Variants in DDX31 observed in about 807,000 individuals in gnomAD.
The protein encoded by DDX31 is DEAD-box helicase 31.
In DDX31, 70 loss-of-function variants were observed where a neutral mutation model predicts 91.3. The ratio of observed to expected loss-of-function variants is 0.77; its 90% CI spans 0.63 to 0.94. The LOEUF (loss-of-function observed/expected upper bound fraction) is 0.94, where lower values mean the gene tolerates loss of function less well. Among genes scored for constraint, DDX31 ranks in the 40% least tolerant of loss-of-function variants. The pLI is 0.00. For synonymous variants in DDX31, 362 were observed against 350.6 expected, an observed-to-expected ratio of 1.03 and a Z score of -0.36; for missense variants, 902 against 925.0, an observed-to-expected ratio of 0.98 and a Z score of 0.32.
intron 6 of DDX31, 24 bp downstream of exon 6, chr9:132,658,647 C>G: frequency 6.2e-7 from 1 of 1,609,056 alleles, no homozygotes; most frequent in Non-Finnish European, 8.5e-7. Context: ...TGAGCAATGA[C>G]AGAAAAACAC....
chr9:132,653,494 C>CAAAAAAA (rs71376648), intron 6 of DDX31, among the ~76,000 whole-genome samples: 11 of 20,636 alleles, frequency 5.3e-4, no homozygotes, highest in African/African-American at 9.8e-4. Context: ...AACTCAGTCT[C>CAAAAAAA]AAAAAAAAAA....
At chr9:132,620,091 A>C (rs1475723659) in intron 17 of DDX31, among the ~76,000 whole-genome samples, 2 of 152,136 alleles carry the variant, frequency 1.3e-5, no homozygotes, top group Non-Finnish European at 2.9e-5. Flanking sequence ...AATAAGCACA[A>C]AAATCCCTCT....
intron 9 of DDX31, 147 bp downstream of exon 9, chr9:132,650,087 C>T (rs1834087122): frequency 2.7e-6 from 2 of 754,550 alleles, no homozygotes; most frequent in South Asian, 1.6e-5. Context: ...GACCGCTCCC[C>T]ACTGACTCAA....
At chr9:132,627,328 C>T (rs901005552) in intron 16 of DDX31, among the ~76,000 whole-genome samples, 3 of 152,068 alleles carry the variant, frequency 2.0e-5, no homozygotes, top group Non-Finnish European at 4.4e-5. Flanking sequence ...AACCACACAC[C>T]CTAAGCAAAC....
At chr9:132,651,236 A>G in intron 7 of DDX31, 120 bp from the exon 8 acceptor site, 1 of 820,276 alleles carries the variant, frequency 1.2e-6, no homozygotes, top group Non-Finnish European at 1.9e-6. Flanking sequence ...AGAAGAAAAA[A>G]AATCCTATAC....
chr9:132,661,469 A>T (rs1224344413), intron 3 of DDX31, among the ~76,000 whole-genome samples: 4 of 152,044 alleles, frequency 2.6e-5, no homozygotes, highest in Non-Finnish European at 5.9e-5. Context: ...GCTTGTTATA[A>T]CCAGGGGAGG....
At chr9:132,621,379 G>T (rs1340773195) in intron 17 of DDX31, among the ~76,000 whole-genome samples, 1 of 152,140 alleles carries the variant, frequency 6.6e-6, no homozygotes, top group Non-Finnish European at 1.5e-5. Context: ...CAGTAAAGTT[G>T]AAAGATCAAA....
At chr9:132,658,479 G>T (rs1381308895) in intron 6 of DDX31, 192 bp downstream of exon 6, 2 of 673,350 alleles carry the variant, frequency 3.0e-6, no homozygotes, top group African/African-American at 1.8e-5. Context: ...TATGACAATT[G>T]TGAAGTGTAT....
intron 5 of DDX31, among the ~76,000 whole-genome samples, chr9:132,659,501 T>G (rs183023537): frequency 1.3e-5 from 2 of 152,262 alleles, no homozygotes; most frequent in East Asian, 3.9e-4. Flanking sequence ...ACCTGACTAC[T>G]TCCTAATCAT....
chr9:132,663,154 C>A, intron 1 of DDX31: 1 of 1,287,202 alleles, frequency 7.8e-7, no homozygotes, highest in East Asian at 5.5e-5. Flanking sequence ...CTGGAGACCG[C>A]ACAGGAGAGA....
intron 1 of DDX31, among the ~76,000 whole-genome samples, chr9:132,665,671 T>C (rs771068634): frequency 2.0e-5 from 3 of 152,148 alleles, no homozygotes; most frequent in Non-Finnish European, 4.4e-5. Context: ...ACCTGTAAAA[T>C]GAGGGGATTT....
In DDX31 at chr9:132,630,382, C is replaced by T. The variant is rs1832649306; in HGVS notation, c.1513G>A (p.Ala505Thr). 1.2e-6 allele frequency: 2 copies of T among 1,600,678 alleles called. No individual in the cohort carries two copies. Among genetic ancestry groups the T allele is most frequent in the South Asian group, 1.1e-5 (1 of 90,188 alleles). ...IVQYNAPSSP[A>T]EYIHRIGRTA... ...CTTCCAATCCGGTGGATGTATTCTG[C>T]AGGTGAAGATGGAGCGTTGTACTAA... The change falls in exon 16 of 20, where the codon GCA (alanine) becomes ACA (threonine). Residue 505 changes from alanine (A) to threonine (T), a missense_variant. Coordinates refer to ENST00000372159, the MANE Select transcript of DDX31 (RefSeq NM_022779.9).
intron 4 of DDX31, among the ~76,000 whole-genome samples, chr9:132,660,374 A>G (rs1834860005): frequency 1.3e-5 from 2 of 152,014 alleles, no homozygotes; most frequent in Admixed American, 1.3e-4. Flanking sequence ...AGGCATGACA[A>G]CAAATCAGAG....
chr9:132,669,817 G>A (rs1415533256), intron 1 of DDX31, 43 bp downstream of exon 1: 2 of 1,533,966 alleles, frequency 1.3e-6, no homozygotes, highest in East Asian at 2.4e-5. Flanking sequence ...GCCCACAGCC[G>A]GGCCGCGGGT....
intron 6 of DDX31, among the ~76,000 whole-genome samples, chr9:132,654,520 G>A (rs1023249471): frequency 6.6e-6 from 1 of 152,210 alleles, no homozygotes; most frequent in Admixed American, 6.5e-5. Flanking sequence ...GGCTGAGACA[G>A]GAGAATCTCT....
chr9:132,637,734 G>A (rs1030659887), intron 14 of DDX31: 30 of 823,546 alleles, frequency 3.6e-5, no homozygotes, highest in African/African-American at 1.1e-4. Context: ...GGCTGGAGCC[G>A]CCAAAAAACT....
chr9:132,651,008 T>G (rs1834148727), intron 8 of DDX31, 67 bp downstream of exon 8: 2 of 1,339,732 alleles, frequency 1.5e-6, no homozygotes, highest in African/African-American at 2.9e-5. Context: ...AAGAATAGAC[T>G]GTAGTATATT....
Position 132,662,461 on chromosome 9 carries a change from G to A in DDX31, c.310C>T (p.Pro104Ser), listed in dbSNP as rs776134671. The change falls in exon 2 of 20, where the codon CCT (proline) becomes TCT (serine). Residue 104 changes from proline to serine, a missense_variant. Physicochemically the swap from Pro to Ser is moderately conservative, Grantham distance 74. Coordinates refer to ENST00000372159, the MANE Select transcript of DDX31 (RefSeq NM_022779.9). ...IKTSSLFKNNPDIPELHRPVV... is the reference protein window; with the variant it reads ...IKTSSLFKNNSDIPELHRPVV... ...TACCTGTGGAGTTCTGGAATGTCAG[G>A]GTTGTTTTTAAACAGTGATGAAGTC... 1 of 1,613,998 alleles carries A rather than the reference G, an allele frequency of 6.2e-7. No homozygotes were observed. Among genetic ancestry groups the A allele is most frequent in the African/African-American group, 1.3e-5 (1 of 74,900 alleles).
intron 6 of DDX31, chr9:132,658,329 T>A (rs1365656830): frequency 1.4e-6 from 1 of 703,386 alleles, no homozygotes; most frequent in Admixed American, 2.0e-5. Context: ...GCCTCTGTTC[T>A]TCTTCGTAAA....
Sources: gnomAD v4.1 joint callset for allele counts (sites outside exome capture counted in the v4.1 genomes callset) on GRCh38, gnomAD v4.1.1 for gene constraint, MANE v1.5 for transcripts, NCBI Gene and HGNC (gene_info 2026-07-23, HGNC 2026-07-21) for gene names.